The following GRID1 variants were observed in gnomAD, a reference collection of about 807,000 sequenced individuals.
The protein encoded by GRID1 is glutamate ionotropic receptor delta type subunit 1, also known as glutamate receptor ionotropic, delta-1.
In GRID1, 28 loss-of-function variants were observed where a neutral mutation model predicts 98.0. The ratio of observed to expected loss-of-function variants is 0.29; its 90% CI spans 0.21 to 0.39. The LOEUF (loss-of-function observed/expected upper bound fraction) is 0.39. Among genes scored for constraint, GRID1 ranks in the 10% least tolerant of loss-of-function variants. GRID1 has a pLI of 1.00. For synonymous variants in GRID1, 553 were observed against 538.5 expected (o/e 1.03, Z -0.37); for missense variants, 1,111 against 1,340.5 (o/e 0.83, Z 2.67).
rs549643653 is a variant in GRID1, at chr10:86,191,996, G to A, written c.520+14368C>T. Among the ~76,000 whole-genome samples, 8 of 152,294 alleles carry A rather than the reference G, an allele frequency of 5.3e-5. No homozygotes were observed. The South Asian group carries it at 6.2e-4, about 12-fold the overall frequency. ...AGACCTTGGAGGCCCTGTGCACTGC[G>A]AGAAGGGATCTGAACTTGATCCTTA... On this transcript the variant is annotated intron_variant, in intron 3 of 15. Transcript: ENST00000327946.
intron 8 of GRID1, among the ~76,000 whole-genome samples, chr10:85,797,440 CT>C (rs1478932486): frequency 6.6e-6 from 1 of 151,436 alleles, no homozygotes; most frequent in South Asian, 2.1e-4. Context: ...TATTTATTTA[CT>C]TTTTTGAGAC....
At chr10:85,736,797 A>G (rs1841887743) in intron 8 of GRID1, among the ~76,000 whole-genome samples, 1 of 152,210 alleles carries the variant, frequency 6.6e-6, no homozygotes, top group Admixed American at 6.5e-5. Context: ...CAGCACTGAT[A>G]TCAGATAATC....
chr10:85,883,510 G>GTCTC (rs72270077), intron 5 of GRID1, among the ~76,000 whole-genome samples: 6,984 of 136,888 alleles, frequency 0.051, 246 homozygotes, highest in Non-Finnish European at 0.075. Context: ...CTCTCTCTCT[G>GTCTC]TCTCTCTCTC....
At chr10:85,736,769 T>C (rs1399382992) in intron 8 of GRID1, among the ~76,000 whole-genome samples, 1 of 152,204 alleles carries the variant, frequency 6.6e-6, no homozygotes, top group African/African-American at 2.4e-5. Context: ...TTGAATCAGC[T>C]TGATTTGGAC....
chr10:86,206,855 A>G lies in GRID1; in HGVS notation c.236-207T>C, dbSNP rs1177007140. Among the ~76,000 whole-genome samples the G allele has an allele frequency of 2.0e-5, 3 of 152,188 alleles. No individual in the cohort carries two copies. The East Asian group carries it at 5.8e-4, about 29-fold the overall frequency. ...TCCTTGGTGAAAATGCCAGCTATAC[A>G]TTCTTGTACCCATTTAACATGAGAA... is the stretch of plus-strand genomic sequence containing the variant. On this transcript the variant is annotated intron_variant, in intron 2 of 15. Coordinates refer to ENST00000327946, the MANE Select transcript of GRID1 (RefSeq NM_017551.3). The surrounding 1 kb of genome is among the most constrained non-coding windows in gnomAD (Gnocchi z 4.1).
intron 4 of GRID1, among the ~76,000 whole-genome samples, chr10:86,096,595 A>G (rs191493687): frequency 6.6e-6 from 1 of 152,354 alleles, no homozygotes; most frequent in East Asian, 1.9e-4. Context: ...CCTCTGTCAC[A>G]GTATTCCACA....
rs1165662034 is a variant in GRID1, at chr10:86,058,176, C to T, written c.726+80643G>A. On this transcript the variant is annotated intron_variant, in intron 4 of 15. Transcript: ENST00000327946. ...CAAATGAGACCCCTGGGCCCCCCTT[C>T]CTCCCCCAGCCCTCCTATGGAAAGG... Among the ~76,000 whole-genome samples the T allele has an allele frequency of 2.6e-5, 4 of 152,102 alleles. No homozygotes were observed. In the East Asian group the frequency reaches 5.8e-4, roughly 22 times the overall value.
At chr10:86,222,276 C>T (rs551225105) in intron 2 of GRID1, among the ~76,000 whole-genome samples, 1 of 152,284 alleles carries the variant, frequency 6.6e-6, no homozygotes, top group South Asian at 2.1e-4. Flanking sequence ...TCAGGGCTTC[C>T]AAGGGGCACA....
chr10:85,783,708 C>T (rs575509841), intron 8 of GRID1, among the ~76,000 whole-genome samples: 27 of 152,294 alleles, frequency 1.8e-4, no homozygotes, highest in African/African-American at 2.9e-4. Context: ...AAAACTGCCA[C>T]GAGTCTGCTT....
chr10:85,926,453 AG>A (rs1180190977), intron 4 of GRID1, among the ~76,000 whole-genome samples: 2 of 152,202 alleles, frequency 1.3e-5, no homozygotes, highest in Non-Finnish European at 2.9e-5. Context: ...CCCCTCTCCA[AG>A]CACAAAGCCC....
chr10:85,658,582 G>A (rs1211544867), intron 12 of GRID1, among the ~76,000 whole-genome samples: 1 of 152,138 alleles, frequency 6.6e-6, no homozygotes, highest in East Asian at 1.9e-4. Flanking sequence ...AAGTGAGGAG[G>A]GCGAACAGGC....
At chr10:86,092,544 A>G (rs1213980419) in intron 4 of GRID1, among the ~76,000 whole-genome samples, 1 of 152,216 alleles carries the variant, frequency 6.6e-6, no homozygotes, top group Non-Finnish European at 1.5e-5. Context: ...GGAAAAAGGC[A>G]TTTCATGCAA....
chr10:85,913,286 T>C (rs1841566277), intron 5 of GRID1, among the ~76,000 whole-genome samples: 1 of 152,190 alleles, frequency 6.6e-6, no homozygotes, highest in African/African-American at 2.4e-5. Flanking sequence ...TACTGTTTGA[T>C]GGAAAAATTT....
chr10:85,973,348 A>G (rs1356929632), intron 4 of GRID1, among the ~76,000 whole-genome samples: 2 of 152,226 alleles, frequency 1.3e-5, no homozygotes, highest in African/African-American at 2.4e-5. Flanking sequence ...AAAATCATGT[A>G]GCCTACTTTT....
At chr10:86,098,265 T>C (rs1844249297) in intron 4 of GRID1, among the ~76,000 whole-genome samples, 1 of 152,236 alleles carries the variant, frequency 6.6e-6, no homozygotes, top group African/African-American at 2.4e-5. Flanking sequence ...TTTACCTCTT[T>C]CCATATTTGG....
intron 2 of GRID1, among the ~76,000 whole-genome samples, chr10:86,221,851 T>C (rs1004752375): frequency 2.6e-5 from 4 of 151,842 alleles, no homozygotes; most frequent in Admixed American, 1.3e-4. Context: ...ACAGGGAGGA[T>C]GCAGCCAGAG....
chr10:86,195,156 T>G lies in GRID1; in HGVS notation c.520+11208A>C, dbSNP rs138941065. Among the ~76,000 whole-genome samples the G allele has an allele frequency of 9.0e-3, 1,372 of 152,152 alleles. 21 individuals carry two copies. The highest frequency in any genetic ancestry group is 0.031 in the African/African-American group (1,295 of 41,540). ...CCTTCCAGGAATGGTAAGTTCCAGCTTGGGATCAGCTGAGCCATGAGAGGG... is the reference window on the plus strand; with the variant it reads ...CCTTCCAGGAATGGTAAGTTCCAGCGTGGGATCAGCTGAGCCATGAGAGGG... On this transcript the variant is annotated intron_variant, in intron 3 of 15. Coordinates refer to ENST00000327946, the MANE Select transcript of GRID1 (RefSeq NM_017551.3). This position sits in a 1 kb window ranked among gnomAD's most constrained non-coding sequence, Gnocchi z 4.4.
chr10:85,869,895 C>T (rs922073321), intron 5 of GRID1, among the ~76,000 whole-genome samples: 4 of 152,156 alleles, frequency 2.6e-5, no homozygotes, highest in African/African-American at 9.7e-5. Context: ...TCACAACATC[C>T]CATCCTGGTA....
chr10:85,845,115 A>T (rs1484823536), intron 8 of GRID1, among the ~76,000 whole-genome samples: 3 of 145,326 alleles, frequency 2.1e-5, no homozygotes, highest in Non-Finnish European at 4.5e-5. Context: ...AGAAAGAAAT[A>T]AAAAAAAAAC....
Sources: gnomAD v4.1 joint callset for allele counts (sites outside exome capture counted in the v4.1 genomes callset) on GRCh38, gnomAD v4.1.1 for gene constraint, Gnocchi (gnomAD v3.1) non-coding constraint, MANE v1.5 for transcripts, NCBI Gene and HGNC (gene_info 2026-07-23, HGNC 2026-07-21) for gene names.